Variants in FGF2 observed in about 807,000 individuals in gnomAD.
FGF2 encodes the protein basic fibroblast growth factor bFGF.
In FGF2, 13 loss-of-function variants were observed where a neutral mutation model predicts 15.9. That is an observed-to-expected ratio of 0.82 (90% CI 0.53 to 1.30). The LOEUF (loss-of-function observed/expected upper bound fraction) is 1.30. Among genes scored for constraint, FGF2 ranks in the 50% most tolerant of loss-of-function variants. The pLI is 0.00. For synonymous variants in FGF2, 90 were observed against 78.4 expected (o/e 1.15, Z -0.78); for missense variants, 163 against 196.9 (o/e 0.83, Z 1.03).
intron 1 of FGF2, among the ~76,000 whole-genome samples, chr4:122,846,290 T>C (rs999506856): frequency 5.3e-5 from 8 of 152,222 alleles, no homozygotes; most frequent in African/African-American, 1.9e-4. Flanking sequence ...GTTTGAAATA[T>C]TGCGACAATT....
At chr4:122,869,136 G>C (rs1450624242) in intron 1 of FGF2, among the ~76,000 whole-genome samples, 2 of 151,896 alleles carry the variant, frequency 1.3e-5, no homozygotes, top group Non-Finnish European at 2.9e-5. Context: ...CCATTTGTCA[G>C]TTTTGGCTTT....
At chr4:122,844,812 T>C (rs1041672191) in intron 1 of FGF2, among the ~76,000 whole-genome samples, 1 of 152,008 alleles carries the variant, frequency 6.6e-6, no homozygotes, top group African/African-American at 2.4e-5. Flanking sequence ...ATTTTAAAAA[T>C]TTTTTGTAGA....
chr4:122,864,683 T>C (rs1474727461), intron 1 of FGF2, among the ~76,000 whole-genome samples: 1 of 152,220 alleles, frequency 6.6e-6, no homozygotes, highest in African/African-American at 2.4e-5. Flanking sequence ...ATGTTTAATA[T>C]GATGCACAGT....
At chr4:122,828,200 T>C (rs530891400) in intron 1 of FGF2, among the ~76,000 whole-genome samples, 2 of 152,346 alleles carry the variant, frequency 1.3e-5, no homozygotes, top group Admixed American at 1.3e-4. Flanking sequence ...GCTTGGACTT[T>C]AGGGGATTCC....
Position 122,827,308 on chromosome 4 carries a change from C to T in FGF2, c.134C>T (p.Pro45Leu). The T allele has an allele frequency of 6.2e-7, 1 of 1,613,034 alleles. No homozygotes were observed. Among genetic ancestry groups the T allele is most frequent in the Middle Eastern group, 1.7e-4 (1 of 6,058 alleles). Residue 45 changes from proline (P) to leucine (L), a missense_variant, in exon 1 of 3, where the codon CCC becomes CTC. Physicochemically the swap from Pro to Leu is moderately conservative, Grantham distance 98. Coordinates refer to ENST00000644866, the MANE Select transcript of FGF2 (RefSeq NM_001361665.2). This position sits in a 1 kb window ranked among gnomAD's most constrained non-coding sequence, Gnocchi z 4.2. ...KNGGFFLRIH[P>L]DGRVDGVREK... ...GGGGGCTTCTTCCTGCGCATCCACC[C>T]CGACGGCCGAGTTGACGGGGTCCGG...
chr4:122,854,762 A>T (rs1726303483), intron 1 of FGF2, among the ~76,000 whole-genome samples: 1 of 152,196 alleles, frequency 6.6e-6, no homozygotes, highest in Non-Finnish European at 1.5e-5. Context: ...TGGAGGCTGC[A>T]GTAATGCTCG....
At chr4:122,885,329 T>C (rs1727034481) in intron 2 of FGF2, among the ~76,000 whole-genome samples, 1 of 152,232 alleles carries the variant, frequency 6.6e-6, no homozygotes, top group Admixed American at 6.5e-5. Flanking sequence ...GTAGACAGAA[T>C]AGATGAATAT....
At chr4:122,845,836 T>C (rs1179133466) in intron 1 of FGF2, among the ~76,000 whole-genome samples, 1 of 152,242 alleles carries the variant, frequency 6.6e-6, no homozygotes, top group Non-Finnish European at 1.5e-5. Context: ...TGTTTTCTTA[T>C]CATTCTTGTG....
chr4:122,871,932 G>T (rs11725156), intron 1 of FGF2, among the ~76,000 whole-genome samples: 65,657 of 151,870 alleles, frequency 0.43, 16,844 homozygotes, highest in Non-Finnish European at 0.57. Context: ...ACGAAAAAAT[G>T]ATGAAAACCC....
At chr4:122,865,825 A>G (rs1440048941) in intron 1 of FGF2, among the ~76,000 whole-genome samples, 1 of 152,192 alleles carries the variant, frequency 6.6e-6, no homozygotes, top group Admixed American at 6.5e-5. Flanking sequence ...CATTTTGGGC[A>G]TATCTGCATG....
intron 1 of FGF2, among the ~76,000 whole-genome samples, chr4:122,865,991 A>C (rs997654959): frequency 4.6e-5 from 7 of 152,232 alleles, no homozygotes; most frequent in Non-Finnish European, 8.8e-5. Context: ...TATGACACCA[A>C]AAGTACAAGC....
Position 122,897,681 on chromosome 4 carries a change from G to T in FGF2, c.*5285G>T. 5 of 1,595,004 alleles carry T rather than the reference G, an allele frequency of 3.1e-6. No homozygotes were observed. The highest frequency in any genetic ancestry group is 4.3e-6 in the Non-Finnish European group (5 of 1,162,678). ...GGAAACTTCCACATATTTTTCAACT[G>T]CAGTATAAAGTCAGAAAATAAAGTT... On this transcript the variant is annotated 3_prime_UTR_variant, in exon 3 of 3. Coordinates refer to ENST00000644866, the MANE Select transcript of FGF2 (RefSeq NM_001361665.2).
intron 2 of FGF2, chr4:122,882,199 T>C: frequency 6.6e-6 from 1 of 152,212 alleles, no homozygotes; most frequent in Admixed American, 6.5e-5. Flanking sequence ...TCATGGTGAC[T>C]CTGTAAGATA....
At chr4:122,863,045 A>G (rs1284532429) in intron 1 of FGF2, among the ~76,000 whole-genome samples, 3 of 152,202 alleles carry the variant, frequency 2.0e-5, no homozygotes, top group Non-Finnish European at 4.4e-5. Flanking sequence ...GTAAAATACA[A>G]ACACAGAAAA....
intron 1 of FGF2, among the ~76,000 whole-genome samples, chr4:122,859,809 T>C (rs2150775483): frequency 6.6e-6 from 1 of 152,340 alleles, no homozygotes; most frequent in South Asian, 2.1e-4. Context: ...TTACTCTGAG[T>C]ACTACAGTTT....
chr4:122,847,532 C>T (rs1042473434), intron 1 of FGF2, among the ~76,000 whole-genome samples: 1 of 152,182 alleles, frequency 6.6e-6, no homozygotes, highest in Non-Finnish European at 1.5e-5. Context: ...ACCTGATGAC[C>T]TAGCAACTCG....
chr4:122,867,733 A>G (rs2150779678), intron 1 of FGF2, among the ~76,000 whole-genome samples: 1 of 152,352 alleles, frequency 6.6e-6, no homozygotes, highest in East Asian at 1.9e-4. Context: ...TTTAAACAAC[A>G]GTATCATTTA....
At position 122,848,793 on chromosome 4, in the gene FGF2, G is replaced by A. The variant is rs114494202; in HGVS notation, c.178+21441G>A. ...ATTGATTAGAAGCAGGAGTATCATC[G>A]TCAGTAGAAGCACTTGTGCTTTAGG... is the stretch of plus-strand genomic sequence containing the variant. On this transcript the variant is annotated intron_variant, in intron 1 of 2. Coordinates refer to ENST00000644866, the MANE Select transcript of FGF2 (RefSeq NM_001361665.2). Among the ~76,000 whole-genome samples, 897 of 152,312 alleles carry A rather than the reference G, an allele frequency of 5.9e-3. 11 individuals carry two copies. Among genetic ancestry groups the A allele is most frequent in the African/African-American group, 0.021 (854 of 41,580 alleles).
chr4:122,866,539 T>TCTTCAAAGAACCTTCAAAGTAC (rs1373741265), intron 1 of FGF2, among the ~76,000 whole-genome samples: 1 of 152,176 alleles, frequency 6.6e-6, no homozygotes, highest in African/African-American at 2.4e-5. Context: ...AGTAGACAGT[T>TCTTCAAAGAACCTTCAAAGTAC]CTTCAAAGAA....
Sources: allele counts gnomAD v4.1 joint callset (sites outside exome capture counted in the v4.1 genomes callset), GRCh38; gene constraint gnomAD v4.1.1; non-coding constraint Gnocchi (gnomAD v3.1); transcripts MANE v1.5; gene names NCBI Gene and HGNC (gene_info 2026-07-23, HGNC 2026-07-21).